The following SEMA3A variants were observed in gnomAD, a reference collection of about 807,000 sequenced individuals.
SEMA3A encodes semaphorin-3A.
Under a neutral mutation model 97.9 loss-of-function variants are expected in SEMA3A, and 29 were observed. The observed-to-expected ratio is 0.30, with a 90% CI of 0.22 to 0.40. The LOEUF is 0.40. SEMA3A is among the 10% of genes least tolerant of loss of function. SEMA3A has a pLI of 1.00. For synonymous variants in SEMA3A, 321 were observed against 323.7 expected (o/e 0.99, Z 0.09); for missense variants, 763 against 951.3 (o/e 0.80, Z 2.60).
intron 1 of SEMA3A, among the ~76,000 whole-genome samples, chr7:84,190,174 C>T (rs1270350543): frequency 1.3e-5 from 2 of 151,696 alleles, no homozygotes; most frequent in African/African-American, 4.8e-5. Context: ...TTTCAAAGGT[C>T]AATCTGGTTG....
At chr7:84,175,424 G>A (rs1206796813) in intron 1 of SEMA3A, among the ~76,000 whole-genome samples, 2 of 152,168 alleles carry the variant, frequency 1.3e-5, no homozygotes, top group African/African-American at 2.4e-5. Context: ...AATGCATTAT[G>A]TATGAACATT....
chr7:84,379,688 A>G (rs1228884), intron 1 of SEMA3A, among the ~76,000 whole-genome samples: 9,724 of 151,538 alleles, frequency 0.064, 376 homozygotes, highest in African/African-American at 0.1. Flanking sequence ...GAAGCTGGGG[A>G]AAAAAAAAGA....
At chr7:84,312,159 C>T (rs1318266036) in intron 2 of SEMA3A, among the ~76,000 whole-genome samples, 1 of 151,844 alleles carries the variant, frequency 6.6e-6, no homozygotes, top group Non-Finnish European at 1.5e-5. Flanking sequence ...TGTTGATGGT[C>T]ACTAGAGTAG....
intron 1 of SEMA3A, among the ~76,000 whole-genome samples, chr7:84,391,621 C>G (rs77098723): frequency 0.026 from 3,982 of 152,122 alleles, 165 homozygotes; most frequent in African/African-American, 0.089. Flanking sequence ...GATATGTGCT[C>G]TTAATAGCAT....
intron 5 of SEMA3A, among the ~76,000 whole-genome samples, chr7:84,049,206 A>C (rs541418437): frequency 6.6e-6 from 1 of 152,172 alleles, no homozygotes; most frequent in Admixed American, 6.6e-5. Flanking sequence ...TACCTCCCAC[A>C]TGAATATTAT....
intron 3 of SEMA3A, among the ~76,000 whole-genome samples, chr7:84,237,563 T>C (rs1165929564): frequency 2.0e-5 from 3 of 152,112 alleles, no homozygotes; most frequent in African/African-American, 7.2e-5. Context: ...TGGTTTACAT[T>C]ATCATCTCTT....
intron 4 of SEMA3A, among the ~76,000 whole-genome samples, chr7:84,087,429 G>A (rs1203095550): frequency 6.6e-6 from 1 of 152,170 alleles, no homozygotes; most frequent in African/African-American, 2.4e-5. Context: ...CTTCATGCCA[G>A]GGGCTAGTGT....
chr7:84,277,720 A>G (rs1341032102), intron 3 of SEMA3A, among the ~76,000 whole-genome samples: 1 of 152,122 alleles, frequency 6.6e-6, no homozygotes, highest in East Asian at 1.9e-4. Context: ...GGAAACTTAC[A>G]ATTATGTAAG....
At chr7:84,200,390 A>C (rs1271725003) in intron 3 of SEMA3A, among the ~76,000 whole-genome samples, 1 of 152,122 alleles carries the variant, frequency 6.6e-6, no homozygotes, top group Non-Finnish European at 1.5e-5. Context: ...AAAGTCTTCT[A>C]GCGGTAAACT....
At chr7:84,033,715 G>A (rs79299159) in intron 6 of SEMA3A, among the ~76,000 whole-genome samples, 6,263 of 152,114 alleles carry the variant, frequency 0.041, 145 homozygotes, top group Middle Eastern at 0.088. Context: ...AATATACTTT[G>A]GTAGTTTAGT....
rs1331092300 is a variant in SEMA3A at position 84,203,531 on chromosome 7, T to A, written c.-82-8863A>T. Reference sequence around the variant, plus strand: ...ATATATATATATATATATATATTTTTTTTTTTTTTTTTTTTCTGAGATAGA... The same window carrying A: ...ATATATATATATATATATATATTTTATTTTTTTTTTTTTTTCTGAGATAGA... On this transcript the variant is annotated intron_variant, in intron 3 of 3. Coordinates refer to the SEMA3A transcript ENST00000424555. 1.1e-4 allele frequency among the ~76,000 whole-genome samples: 13 copies of A among 117,856 alleles called. No homozygotes were observed. The South Asian group carries it at 1.8e-3, about 16-fold the overall frequency. The allele number at this position is 117,856 out of a possible 152,430, so 77.3% of individuals were successfully genotyped here.
intron 1 of SEMA3A, among the ~76,000 whole-genome samples, chr7:84,438,372 T>C (rs1263256307): frequency 2.0e-5 from 3 of 152,072 alleles, no homozygotes; most frequent in Admixed American, 6.6e-5. Context: ...CAGTTAACTT[T>C]TCCCACCACT....
At chr7:84,328,954 C>A (rs1445807559) in intron 2 of SEMA3A, among the ~76,000 whole-genome samples, 2 of 151,910 alleles carry the variant, frequency 1.3e-5, no homozygotes, top group African/African-American at 4.8e-5. Flanking sequence ...CAACCTGGAA[C>A]TTTTTATTCA....
Position 84,052,470 on chromosome 7 carries a change from T to G in SEMA3A, c.548-6027A>C, listed in dbSNP as rs1792722949. Among the ~76,000 whole-genome samples, 3 of 152,146 alleles carry G rather than the reference T, an allele frequency of 2.0e-5. No individual in the cohort carries two copies. The South Asian group carries it at 6.2e-4, about 31-fold the overall frequency. ...TGTATGTGTCGAGGAATTTATCCATTTCTTCTGGATTTTCTAGTTTATTTG... is the reference window on the plus strand; with the variant it reads ...TGTATGTGTCGAGGAATTTATCCATGTCTTCTGGATTTTCTAGTTTATTTG... On this transcript the variant is annotated intron_variant, in intron 5 of 16. Coordinates refer to ENST00000265362, the MANE Select transcript of SEMA3A (RefSeq NM_006080.3).
chr7:84,024,311 C>T (rs773761802), intron 6 of SEMA3A, among the ~76,000 whole-genome samples: 36 of 152,042 alleles, frequency 2.4e-4, no homozygotes, highest in Non-Finnish European at 4.7e-4. Flanking sequence ...GAGGCCAAGG[C>T]GGGTGAATCA....
At chr7:84,255,798 G>GA (rs932017523) in intron 3 of SEMA3A, among the ~76,000 whole-genome samples, 2 of 149,882 alleles carry the variant, frequency 1.3e-5, no homozygotes, top group African/African-American at 4.9e-5. Flanking sequence ...ACTCGGCACT[G>GA]ATTTTTTTTT....
chr7:84,408,016 T>C (rs1804151279), intron 1 of SEMA3A, among the ~76,000 whole-genome samples: 1 of 152,132 alleles, frequency 6.6e-6, no homozygotes, highest in Non-Finnish European at 1.5e-5. Flanking sequence ...ACAAAAGCAA[T>C]GGCAACAAAA....
At chr7:83,975,422 G>T (rs1789103515) in intron 15 of SEMA3A, among the ~76,000 whole-genome samples, 1 of 151,900 alleles carries the variant, frequency 6.6e-6, no homozygotes, top group Non-Finnish European at 1.5e-5. Context: ...TCTTATTTTT[G>T]AATATAATGG....
intron 11 of SEMA3A, among the ~76,000 whole-genome samples, chr7:84,002,938 T>C (rs1790520196): frequency 6.6e-6 from 1 of 152,182 alleles, no homozygotes; most frequent in African/African-American, 2.4e-5. Context: ...GATATGTTCC[T>C]ATTCCTTGAT....
Sources: gnomAD v4.1 joint callset for allele counts (sites outside exome capture counted in the v4.1 genomes callset) on GRCh38, gnomAD v4.1.1 for gene constraint, MANE v1.5 for transcripts, NCBI Gene and HGNC (gene_info 2026-07-23, HGNC 2026-07-21) for gene names.